The following ATXN2 variants were observed in gnomAD, a reference collection of about 807,000 sequenced individuals.
ATXN2 encodes the protein ataxin-2.
Under a neutral mutation model 138.6 loss-of-function variants are expected in ATXN2, and 37 were observed. That is an observed-to-expected ratio of 0.27 (90% CI 0.21 to 0.35). The LOEUF (loss-of-function observed/expected upper bound fraction) is 0.35, where lower values mean the gene tolerates loss of function less well. ATXN2 is among the 10% of genes least tolerant of loss of function. The pLI, the probability that ATXN2 is intolerant of heterozygous loss-of-function variation, is 1.00. For synonymous variants in ATXN2, 549 were observed against 543.7 expected (o/e 1.01, Z -0.13); for missense variants, 1,216 against 1,480.3 (o/e 0.82, Z 2.93).
intron 1 of ATXN2, among the ~76,000 whole-genome samples, chr12:111,575,703 T>C (rs908126916): frequency 2.0e-5 from 3 of 151,640 alleles, no homozygotes; most frequent in Non-Finnish European, 1.5e-5. Context: ...ACTCCAAAAA[T>C]AAAAAAAGGG....
intron 1 of ATXN2, among the ~76,000 whole-genome samples, chr12:111,580,584 C>G (rs1172288241): frequency 7.1e-6 from 1 of 141,146 alleles, no homozygotes; most frequent in African/African-American, 2.6e-5. Flanking sequence ...GCAGAATCAT[C>G]TGGGCTCAGG....
rs1040156595 is a variant in ATXN2 at position 111,510,239 on chromosome 12, C to T, written c.1756+146G>A. 4 of 950,364 alleles carry T rather than the reference C, an allele frequency of 4.2e-6. No individual in the cohort carries two copies. The African/African-American group carries it at 5.0e-5, about 12-fold the overall frequency. The allele number at this position is 950,364 out of a possible 1,614,324, so 58.9% of individuals were successfully genotyped here. On this transcript the variant is annotated intron_variant, in intron 12 of 24. Coordinates refer to ENST00000673436, the MANE Select transcript of ATXN2 (RefSeq NM_001372574.1). ...ATATTAAATTAGTAGTATTAAACAA[C>T]ATCAAAATTTACATAAACTTTTAAA...
At position 111,513,341 on chromosome 12, in the gene ATXN2, C is replaced by A. The variant is rs552779754; in HGVS notation, c.1558+16G>T. On this transcript the variant is annotated intron_variant, in intron 11 of 24. Transcript: ENST00000673436. ...TGACAAAATGAGTACCATCATTATG[C>A]CCAAGTGTTACCTACCCCCACTGAC... 8 of 1,609,166 alleles carry A rather than the reference C, an allele frequency of 5.0e-6. No individual in the cohort carries two copies. The highest frequency in any genetic ancestry group is 6.8e-6 in the Non-Finnish European group (8 of 1,178,818).
At chr12:111,545,097 T>G (rs1881734194) in intron 5 of ATXN2, among the ~76,000 whole-genome samples, 1 of 151,598 alleles carries the variant, frequency 6.6e-6, no homozygotes, top group Non-Finnish European at 1.5e-5. Flanking sequence ...AGGCGGAGCT[T>G]GCAGTGAGCC....
chr12:111,594,769 T>C (rs566936368), intron 1 of ATXN2, among the ~76,000 whole-genome samples: 22 of 152,236 alleles, frequency 1.4e-4, no homozygotes, highest in African/African-American at 4.8e-4. Flanking sequence ...AACTTGGTCA[T>C]AGGCTAGCAG....
chr12:111,593,575 A>T (rs1019701788), intron 1 of ATXN2, among the ~76,000 whole-genome samples: 1 of 151,988 alleles, frequency 6.6e-6, no homozygotes, highest in African/African-American at 2.4e-5. Context: ...CAGAATGTGG[A>T]ATCTTTAAGC....
chr12:111,599,315 T>A lies in ATXN2; in HGVS notation c.-281A>T. On this transcript the variant is annotated 5_prime_UTR_variant, in exon 1 of 25. Coordinates refer to ENST00000673436, the MANE Select transcript of ATXN2 (RefSeq NM_001372574.1). ...GTCTGAGGCGGAGGGAGGCGAGCTC[T>A]GCCGGGAGGGAGGGGGGCCGGGGCC... 3 of 796,930 alleles carry A rather than the reference T, an allele frequency of 3.8e-6. No homozygotes were observed. Among genetic ancestry groups the A allele is most frequent in the Non-Finnish European group, 2.9e-6 (2 of 687,918 alleles). 49.4% of individuals were successfully genotyped at this position (796,930 alleles called of 1,614,324 possible).
intron 21 of ATXN2, 171 bp from the exon 22 acceptor site, chr12:111,457,530 G>A: frequency 2.9e-6 from 2 of 678,318 alleles, no homozygotes; most frequent in Non-Finnish European, 4.7e-6. Context: ...AAAAATAAGT[G>A]TAGCTATTGC....
intron 14 of ATXN2, among the ~76,000 whole-genome samples, chr12:111,504,509 C>T (rs569948771): frequency 2.6e-5 from 4 of 152,234 alleles, no homozygotes; most frequent in Middle Eastern, 6.8e-3. Context: ...AGACTGGTTT[C>T]GAACTCCTGA....
intron 1 of ATXN2, among the ~76,000 whole-genome samples, chr12:111,560,085 C>G (rs2135796113): frequency 6.6e-6 from 1 of 152,152 alleles, no homozygotes; most frequent in East Asian, 1.9e-4. Flanking sequence ...AGAAACTATC[C>G]CTTCAAAGAA....
intron 1 of ATXN2, among the ~76,000 whole-genome samples, chr12:111,577,242 C>T (rs1883716798): frequency 6.6e-6 from 1 of 151,512 alleles, no homozygotes; most frequent in Admixed American, 6.6e-5. Flanking sequence ...TAAACACATG[C>T]ACCGCATGTT....
At chr12:111,510,116 G>C in intron 12 of ATXN2, 118 bp from the exon 13 acceptor site, 1 of 810,542 alleles carries the variant, frequency 1.2e-6, no homozygotes, top group Non-Finnish European at 1.9e-6. Context: ...TTTAAACAGA[G>C]GCTTTTTTTC....
intron 1 of ATXN2, among the ~76,000 whole-genome samples, chr12:111,566,960 T>C (rs1883048303): frequency 6.6e-6 from 1 of 152,094 alleles, no homozygotes; most frequent in South Asian, 2.1e-4. Flanking sequence ...CTAATACTCA[T>C]GAATGATTTT....
chr12:111,589,328 C>T (rs941775559), intron 1 of ATXN2, among the ~76,000 whole-genome samples: 2 of 150,002 alleles, frequency 1.3e-5, no homozygotes, highest in African/African-American at 2.5e-5. Flanking sequence ...CACACACAAA[C>T]AATAATAATA....
chr12:111,494,297 G>A (rs564581136), intron 14 of ATXN2, among the ~76,000 whole-genome samples: 16 of 152,172 alleles, frequency 1.1e-4, no homozygotes, highest in Non-Finnish European at 5.9e-5. Flanking sequence ...GTTAAAAAGC[G>A]GGCAGATGAA....
chr12:111,595,406 C>T (rs772739311), intron 1 of ATXN2, among the ~76,000 whole-genome samples: 2 of 152,162 alleles, frequency 1.3e-5, no homozygotes, highest in African/African-American at 2.4e-5. Context: ...CTTTGGGAGG[C>T]CGAGGCGGGC....
At chr12:111,500,156 C>T (rs187175304) in intron 14 of ATXN2, among the ~76,000 whole-genome samples, 3 of 152,318 alleles carry the variant, frequency 2.0e-5, no homozygotes, top group East Asian at 1.9e-4. Flanking sequence ...AATATCTGCA[C>T]TCCCATGTTT....
intron 23 of ATXN2, chr12:111,454,476 G>A (rs1874911808): frequency 6.5e-6 from 1 of 153,728 alleles, no homozygotes; most frequent in Non-Finnish European, 1.4e-5. Context: ...AGTTTTTAAT[G>A]GCTCCAGTGA....
intron 5 of ATXN2, among the ~76,000 whole-genome samples, chr12:111,543,104 C>T (rs369235083): frequency 6.6e-6 from 1 of 152,136 alleles, no homozygotes; most frequent in East Asian, 1.9e-4. Context: ...TTCTTTTAAT[C>T]TCAATAATCT....
Sources: gnomAD v4.1 joint callset for allele counts (sites outside exome capture counted in the v4.1 genomes callset) on GRCh38, gnomAD v4.1.1 for gene constraint, MANE v1.5 for transcripts, NCBI Gene and HGNC (gene_info 2026-07-23, HGNC 2026-07-21) for gene names.